DAP3: variants seen among roughly 807,000 people sequenced by gnomAD.
DAP3 encodes small ribosomal subunit protein mS29.
DAP3 carries 28 observed loss-of-function variants against 51.9 expected under a neutral mutation model. The ratio of observed to expected loss-of-function variants is 0.54; its 90% CI spans 0.40 to 0.74. DAP3 has a LOEUF of 0.74. Among genes scored for constraint, DAP3 ranks in the 30% least tolerant of loss-of-function variants. DAP3 has a pLI of 0.00. For missense variants in DAP3, 458 were observed against 483.5 expected, an observed-to-expected ratio of 0.95 and a Z score of 0.49; for synonymous variants, 170 against 170.3, an observed-to-expected ratio of 1.00 and a Z score of 0.01.
At chr1:155,720,518 C>T (rs1274792186) in intron 3 of DAP3, among the ~76,000 whole-genome samples, 1 of 151,706 alleles carries the variant, frequency 6.6e-6, no homozygotes, top group Admixed American at 6.6e-5. Context: ...CATGGTGGCA[C>T]ATGCCTGTGA....
At chr1:155,711,650 C>G (rs1012974633) in intron 2 of DAP3, among the ~76,000 whole-genome samples, 1 of 151,046 alleles carries the variant, frequency 6.6e-6, no homozygotes, top group Non-Finnish European at 1.5e-5. Flanking sequence ...AGGGACAGCA[C>G]TAATAGGATA....
rs546357831 is a variant in DAP3 at position 155,716,249 on chromosome 1, C to T, written c.46-757C>T. On this transcript the variant is annotated intron_variant, in intron 2 of 12. Coordinates refer to ENST00000368336, the MANE Select transcript of DAP3 (RefSeq NM_004632.4). ...GGACTTAGTGAATTTTAAATAATAA[C>T]AGGGATCCTTTTTACATAGAAGAAA... Among the ~76,000 whole-genome samples, 37 of 152,154 alleles carry T rather than the reference C, an allele frequency of 2.4e-4. 1 individual carries two copies. The highest frequency in any genetic ancestry group is 2.4e-4 in the Non-Finnish European group (16 of 68,036).
intron 1 of DAP3, among the ~76,000 whole-genome samples, chr1:155,695,346 C>G (rs892470915): frequency 1.3e-5 from 2 of 152,210 alleles, no homozygotes; most frequent in Non-Finnish European, 2.9e-5. Flanking sequence ...ACACCAGTTC[C>G]TTGATACGGT....
chr1:155,709,295 A>G (rs1283965757), intron 1 of DAP3, among the ~76,000 whole-genome samples: 1 of 151,968 alleles, frequency 6.6e-6, no homozygotes, highest in Non-Finnish European at 1.5e-5. Context: ...ACAGGCATGC[A>G]CTACCATGCC....
intron 1 of DAP3, among the ~76,000 whole-genome samples, chr1:155,700,046 C>G (rs1006612005): frequency 6.6e-6 from 1 of 152,176 alleles, no homozygotes; most frequent in African/African-American, 2.4e-5. Flanking sequence ...AAGTGATTCT[C>G]CTGCCTCAGC....
chr1:155,707,943 G>C (rs1158849608), intron 1 of DAP3, among the ~76,000 whole-genome samples: 1 of 152,048 alleles, frequency 6.6e-6, no homozygotes, highest in African/African-American at 2.4e-5. Context: ...TCTATCTACT[G>C]TTCTACTAAG....
chr1:155,688,855 G>C, upstream of DAP3: 4 of 1,599,394 alleles, frequency 2.5e-6, no homozygotes, highest in Non-Finnish European at 3.4e-6. Flanking sequence ...GAGAGGAAGG[G>C]ACCGGCAAAG....
chr1:155,731,984 C>T lies in DAP3; in HGVS notation c.944C>T (p.Ser315Phe). The T allele has an allele frequency of 6.2e-7, 1 of 1,612,226 alleles. No individual in the cohort carries two copies. Among genetic ancestry groups the T allele is most frequent in the Non-Finnish European group, 8.5e-7 (1 of 1,179,140 alleles). ...GTGTCGGCTTTGAGCCAGACTGGGT[C>T]TCTCTTTAAGCCCCGGAAAGCCTAT... is the stretch of plus-strand genomic sequence containing the variant. ...AIVSALSQTG[S>F]LFKPRKAYLP... Residue 315 changes from serine to phenylalanine, a missense_variant, in exon 11 of 13, where the codon TCT (serine) becomes TTT (phenylalanine). Coordinates refer to ENST00000368336, the MANE Select transcript of DAP3 (RefSeq NM_004632.4).
intron 3 of DAP3, among the ~76,000 whole-genome samples, chr1:155,720,168 T>TA (rs1167299709): frequency 4.7e-5 from 7 of 148,776 alleles, no homozygotes; most frequent in Non-Finnish European, 1.0e-4. Context: ...ACCAAAAAAG[T>TA]AAAAAAATGA....
At chr1:155,716,448 C>G (rs1293129837) in intron 2 of DAP3, among the ~76,000 whole-genome samples, 1 of 152,018 alleles carries the variant, frequency 6.6e-6, no homozygotes, top group Admixed American at 6.6e-5. Context: ...TGGCGGGTGC[C>G]TGTAGTCCCA....
chr1:155,688,938 G>C (rs375716262), upstream of DAP3: 2 of 1,612,826 alleles, frequency 1.2e-6, no homozygotes, highest in African/African-American at 1.3e-5. Flanking sequence ...ACCTCCCTGG[G>C]TTCGTCGCCG....
At chr1:155,731,335 C>G (rs781718890) in intron 9 of DAP3, 21 bp from the exon 10 acceptor site, 3 of 1,612,450 alleles carry the variant, frequency 1.9e-6, no homozygotes, top group South Asian at 2.2e-5. Flanking sequence ...GATCTCTTCT[C>G]TCTTTCTGTC....
At chr1:155,700,040 G>A (rs2149121010) in intron 1 of DAP3, among the ~76,000 whole-genome samples, 1 of 152,262 alleles carries the variant, frequency 6.6e-6, no homozygotes, top group South Asian at 2.1e-4. Context: ...GGGTTCAAGT[G>A]ATTCTCCTGC....
intron 1 of DAP3, among the ~76,000 whole-genome samples, chr1:155,690,060 C>G (rs1377358010): frequency 7.0e-6 from 1 of 142,486 alleles, no homozygotes; most frequent in Non-Finnish European, 1.5e-5. Context: ...TTCTGTCCCT[C>G]CAAGTCGTTA....
intron 6 of DAP3, 25 bp downstream of exon 6, chr1:155,726,044 T>C: frequency 3.8e-6 from 6 of 1,593,934 alleles, no homozygotes; most frequent in Non-Finnish European, 5.2e-6. Flanking sequence ...TTGTTTCTTC[T>C]GTCTGTTAGG....
At chr1:155,722,152 C>T (rs1177150523) in intron 4 of DAP3, among the ~76,000 whole-genome samples, 1 of 152,172 alleles carries the variant, frequency 6.6e-6, no homozygotes, top group Non-Finnish European at 1.5e-5. Flanking sequence ...CCTGTAATCC[C>T]AGCTGCACTT....
intron 4 of DAP3, chr1:155,721,868 G>C: frequency 1.9e-6 from 1 of 517,968 alleles, no homozygotes; most frequent in Non-Finnish European, 3.4e-6. Context: ...TGTTTTAAAT[G>C]AACTTAAAAT....
intron 2 of DAP3, 30 bp downstream of exon 2, chr1:155,709,854 G>A (rs1001258091): frequency 3.1e-6 from 5 of 1,603,050 alleles, no homozygotes; most frequent in Non-Finnish European, 3.4e-6. Context: ...AACACTCTGT[G>A]CATACTGCCT....
At chr1:155,731,221 C>T (rs1185610957) in intron 9 of DAP3, 135 bp from the exon 10 acceptor site, 6 of 727,188 alleles carry the variant, frequency 8.3e-6, no homozygotes, top group African/African-American at 1.8e-5. Flanking sequence ...GAGCCCAAAT[C>T]GCGCCACTGC....
Sources: allele counts gnomAD v4.1 joint callset (sites outside exome capture counted in the v4.1 genomes callset), GRCh38; gene constraint gnomAD v4.1.1; transcripts MANE v1.5; gene names NCBI Gene and HGNC (gene_info 2026-07-23, HGNC 2026-07-21).